The following FOXP1 variants were observed in gnomAD, a reference collection of about 807,000 sequenced individuals.
The protein encoded by FOXP1 is forkhead box P1.
Under a neutral mutation model 98.2 loss-of-function variants are expected in FOXP1, and 15 were observed. The observed-to-expected ratio is 0.15, with a 90% CI of 0.10 to 0.24. FOXP1 has a LOEUF of 0.24. Ranked by LOEUF, FOXP1 falls within the 10% of genes least tolerant of loss-of-function variation. The probability of loss-of-function intolerance (pLI) is 1.00; values close to 1 mark genes in which losing one functional copy is unlikely to be tolerated. For synonymous variants in FOXP1, 371 were observed against 314.5 expected, an observed-to-expected ratio of 1.18 and a Z score of -1.90; for missense variants, 633 against 848.5, an observed-to-expected ratio of 0.75 and a Z score of 3.15.
chr3:71,167,752 T>C (rs998972084), intron 6 of FOXP1, among the ~76,000 whole-genome samples: 4 of 152,236 alleles, frequency 2.6e-5, no homozygotes, highest in African/African-American at 9.6e-5. Flanking sequence ...TCCTCTTGCA[T>C]TTTAAATCTT....
At chr3:71,148,386 TA>T (rs79235346) in intron 6 of FOXP1, among the ~76,000 whole-genome samples, 52,170 of 149,726 alleles carry the variant, frequency 0.35, 9,565 homozygotes, top group East Asian at 0.61. Context: ...GTCTCAAAAA[TA>T]AAAAAAAAAC....
intron 2 of FOXP1, among the ~76,000 whole-genome samples, chr3:71,500,865 G>A (rs1192022203): frequency 1.3e-5 from 2 of 152,080 alleles, no homozygotes; most frequent in African/African-American, 4.8e-5. Flanking sequence ...GGGAACCACC[G>A]CTTCCTGCCC....
intron 9 of FOXP1, among the ~76,000 whole-genome samples, chr3:71,049,392 T>C (rs1457642575): frequency 6.6e-6 from 1 of 152,124 alleles, no homozygotes; most frequent in African/African-American, 2.4e-5. Flanking sequence ...ACCACTTCTG[T>C]CCAATATTCA....
At chr3:71,295,980 G>A (rs1431430423) in intron 5 of FOXP1, 1 of 152,138 alleles carries the variant, frequency 6.6e-6, no homozygotes, top group Non-Finnish European at 1.5e-5. Context: ...CTACCTCTTA[G>A]GAATGCCAGC....
Position 70,957,278 on chromosome 3 carries a change from CA to C in FOXP1, c.*1968del. 4.4e-6 allele frequency: 1 copy of C among 224,902 alleles called. No individual in the cohort carries two copies. Among genetic ancestry groups the C allele is most frequent in the Non-Finnish European group, 8.9e-6 (1 of 112,934 alleles). 13.9% of individuals were successfully genotyped at this position (224,902 alleles called of 1,614,324 possible). ...GAGTTTTGGTCTCTGTAGAGGTACA[CA>C]AAAAGAAAAAGGAAAAATAACTACT... On this transcript the variant is annotated 3_prime_UTR_variant, in exon 21 of 21. Transcript: ENST00000649528.
chr3:71,536,397 T>A (rs2044291342), intron 2 of FOXP1, among the ~76,000 whole-genome samples: 1 of 152,096 alleles, frequency 6.6e-6, no homozygotes, highest in Admixed American at 6.6e-5. Flanking sequence ...CACACCCCAG[T>A]CACCCTAGTC....
intron 3 of FOXP1, among the ~76,000 whole-genome samples, chr3:71,439,927 G>A (rs545488855): frequency 1.3e-4 from 18 of 142,604 alleles, no homozygotes; most frequent in East Asian, 9.8e-4. Flanking sequence ...CAGCCTGGGC[G>A]AGAGAGTGAG....
At chr3:71,425,286 T>TTTG (rs1050690726) in intron 3 of FOXP1, among the ~76,000 whole-genome samples, 1 of 152,022 alleles carries the variant, frequency 6.6e-6, no homozygotes, top group Non-Finnish European at 1.5e-5. Context: ...CGGCTAATTA[T>TTTG]TTGTTGTTGT....
chr3:71,271,388 G>A (rs1202716045), intron 5 of FOXP1, among the ~76,000 whole-genome samples: 1 of 152,072 alleles, frequency 6.6e-6, no homozygotes, highest in Non-Finnish European at 1.5e-5. Flanking sequence ...TACTTTTTTG[G>A]TAAAAGAAAG....
intron 11 of FOXP1, among the ~76,000 whole-genome samples, chr3:71,020,603 T>C (rs184675942): frequency 3.5e-4 from 53 of 152,286 alleles, no homozygotes; most frequent in Admixed American, 8.5e-4. Flanking sequence ...ATTTCCCCTG[T>C]GGTAACTAAG....
intron 12 of FOXP1, among the ~76,000 whole-genome samples, chr3:71,009,835 A>T (rs2043324834): frequency 6.6e-6 from 1 of 151,928 alleles, no homozygotes; most frequent in East Asian, 1.9e-4. Context: ...TGCGGCCTCG[A>T]ACTTCTGGGC....
chr3:71,228,671 G>A (rs1039702385), intron 5 of FOXP1, among the ~76,000 whole-genome samples: 7 of 152,190 alleles, frequency 4.6e-5, no homozygotes, highest in East Asian at 3.9e-4. Context: ...TCCTCTCACC[G>A]ATCCTGCATC....
rs1054745918 is a variant in FOXP1 at position 71,245,626 on chromosome 3, A to C, written c.-11-47234T>G. 2.7e-4 allele frequency among the ~76,000 whole-genome samples: 40 copies of C among 150,882 alleles called. 1 individual carries two copies. Among genetic ancestry groups the C allele is most frequent in the Non-Finnish European group, 5.9e-5 (4 of 67,798 alleles). On this transcript the variant is annotated intron_variant, in intron 5 of 20. Coordinates refer to ENST00000649528, the MANE Select transcript of FOXP1 (RefSeq NM_001349338.3). ...TTGGTCATTTAGAAGTACCTGCTAA[A>C]TAAATCAGATTTTTAAAGAACAAGA...
At chr3:71,465,578 C>T (rs2088622743) in intron 3 of FOXP1, among the ~76,000 whole-genome samples, 1 of 152,180 alleles carries the variant, frequency 6.6e-6, no homozygotes, top group Non-Finnish European at 1.5e-5. Context: ...GAAGATGGCA[C>T]TGAAACCTCA....
At chr3:71,069,609 T>C (rs919324271) in intron 7 of FOXP1, among the ~76,000 whole-genome samples, 2 of 152,168 alleles carry the variant, frequency 1.3e-5, no homozygotes, top group Admixed American at 6.5e-5. Flanking sequence ...CAAAGTGCTG[T>C]ACCCTTCAGA....
chr3:71,252,590 T>C (rs772891056), intron 5 of FOXP1, among the ~76,000 whole-genome samples: 2 of 152,226 alleles, frequency 1.3e-5, no homozygotes, highest in Non-Finnish European at 2.9e-5. Context: ...TCAGGCCCCC[T>C]GAGTGCCAAC....
At chr3:71,256,703 A>G (rs994072224) in intron 5 of FOXP1, among the ~76,000 whole-genome samples, 9 of 152,096 alleles carry the variant, frequency 5.9e-5, no homozygotes, top group African/African-American at 2.2e-4. Flanking sequence ...TGTTCTTTTA[A>G]GGAACTACTT....
intron 7 of FOXP1, among the ~76,000 whole-genome samples, chr3:71,093,747 C>G (rs1686492967): frequency 6.6e-6 from 1 of 151,622 alleles, no homozygotes; most frequent in Non-Finnish European, 1.5e-5. Context: ...CATTTACTTC[C>G]CAGAGGCCTT....
At chr3:71,348,852 G>A (rs1316801762) in intron 4 of FOXP1, among the ~76,000 whole-genome samples, 1 of 152,142 alleles carries the variant, frequency 6.6e-6, no homozygotes, top group Non-Finnish European at 1.5e-5. Context: ...AGGCAGAGAT[G>A]AACATGGAAG....
Sources: gnomAD v4.1 joint callset for allele counts (sites outside exome capture counted in the v4.1 genomes callset) on GRCh38, gnomAD v4.1.1 for gene constraint, MANE v1.5 for transcripts, NCBI Gene and HGNC (gene_info 2026-07-23, HGNC 2026-07-21) for gene names.